Variants in HMGB1 observed in about 807,000 individuals in gnomAD.
HMGB1 encodes high mobility group box 1.
For synonymous variants in HMGB1, 81 were observed against 84.0 expected (o/e 0.96, Z 0.19); for missense variants, 79 against 253.5 (o/e 0.31, Z 4.67).
intron 1 of HMGB1, among the ~76,000 whole-genome samples, chr13:30,588,139 A>T (rs1871231121): frequency 6.6e-6 from 1 of 152,272 alleles, no homozygotes; most frequent in African/African-American, 2.4e-5. Context: ...GAGGAAATAA[A>T]GAGCATAATA....
chr13:30,491,530 G>T (rs1302820663), intron 1 of HMGB1, among the ~76,000 whole-genome samples: 1 of 151,946 alleles, frequency 6.6e-6, no homozygotes, highest in Admixed American at 6.6e-5. Context: ...GTGTGTGGTG[G>T]TGCACGCCTG....
chr13:30,590,587 A>G (rs1197469766), intron 1 of HMGB1, among the ~76,000 whole-genome samples: 1 of 152,272 alleles, frequency 6.6e-6, no homozygotes, highest in African/African-American at 2.4e-5. Flanking sequence ...AGATGTGAGC[A>G]AAGAAATGAC....
At chr13:30,505,873 A>G (rs1887853437) in intron 1 of HMGB1, among the ~76,000 whole-genome samples, 1 of 151,904 alleles carries the variant, frequency 6.6e-6, no homozygotes, top group African/African-American at 2.4e-5. Context: ...GAGGACATCA[A>G]GTAGACAGTT....
intron 1 of HMGB1, among the ~76,000 whole-genome samples, chr13:30,593,766 A>C (rs895468908): frequency 2.0e-5 from 3 of 152,256 alleles, no homozygotes; most frequent in African/African-American, 7.2e-5. Context: ...TCATAAAAAA[A>C]ATCAGACAGA....
chr13:30,504,641 T>G (rs1887809435), intron 1 of HMGB1, among the ~76,000 whole-genome samples: 1 of 152,118 alleles, frequency 6.6e-6, no homozygotes, highest in Admixed American at 6.5e-5. Flanking sequence ...AGGGGAAGGT[T>G]TAGGTTAGGT....
chr13:30,547,167 G>C (rs1156632384), intron 1 of HMGB1, among the ~76,000 whole-genome samples: 1 of 152,212 alleles, frequency 6.6e-6, no homozygotes, highest in African/African-American at 2.4e-5. Context: ...TCCAAGGTTT[G>C]CTTAGTTACA....
At position 30,459,533 on chromosome 13, in the gene HMGB1, G is replaced by A. The variant is rs1431623958; in HGVS notation, c.*1824C>T. 2 of 152,190 alleles carry A rather than the reference G, an allele frequency of 1.3e-5. No individual in the cohort carries two copies. The highest frequency in any genetic ancestry group is 1.9e-4 in the East Asian group (1 of 5,186). 9.4% of individuals were successfully genotyped at this position (152,190 alleles called of 1,614,324 possible). A position where few individuals can be genotyped will look rare whatever the true frequency, so the allele number is the denominator to read the frequency against. The stretch of plus-strand genomic sequence containing the variant: ...CCTCTTAACAAAAAATCTGATGTTC[G>A]ACACAATTGCAGCCTATCACTAACC... On this transcript the variant is annotated 3_prime_UTR_variant, in exon 5 of 5. Coordinates refer to ENST00000341423, the MANE Select transcript of HMGB1 (RefSeq NM_002128.7).
exon 1 of HMGB1, chr13:30,616,824 T>G (rs1950569368): frequency 6.6e-6 from 1 of 152,226 alleles, no homozygotes; most frequent in Non-Finnish European, 1.5e-5. Flanking sequence ...TTGTCAGCAT[T>G]ATTCCAGAAT....
At chr13:30,463,877 C>T in intron 1 of HMGB1, 183 bp from the exon 2 acceptor site, 2 of 530,154 alleles carry the variant, frequency 3.8e-6, no homozygotes, top group Non-Finnish European at 6.4e-6. Flanking sequence ...CTATGCCAAG[C>T]AAACAAAACA....
chr13:30,468,353 CA>C (rs562918786), upstream of HMGB1, among the ~76,000 whole-genome samples: 931 of 152,266 alleles, frequency 6.1e-3, 9 homozygotes, highest in African/African-American at 0.021. Flanking sequence ...CCTCCTGGTT[CA>C]ATCGATTCTT....
intron 1 of HMGB1, among the ~76,000 whole-genome samples, chr13:30,577,611 T>C (rs1566030240): frequency 6.6e-6 from 1 of 152,182 alleles, no homozygotes; most frequent in Non-Finnish European, 1.5e-5. Context: ...TCACTGTGGG[T>C]TAGAGTCAGA....
chr13:30,564,351 G>C (rs905403210), intron 1 of HMGB1, among the ~76,000 whole-genome samples: 16 of 151,766 alleles, frequency 1.1e-4, no homozygotes, highest in African/African-American at 3.9e-4. Context: ...TACTCGGGAG[G>C]CTGACTCGGG....
intron 1 of HMGB1, among the ~76,000 whole-genome samples, chr13:30,495,469 CTTTTTCTTTTCT>C (rs896044473): frequency 2.7e-5 from 4 of 146,494 alleles, no homozygotes; most frequent in Non-Finnish European, 6.0e-5. Flanking sequence ...TTTCCCTTTT[CTTTTTCTTTTCT>C]TTTTTTTTTT....
chr13:30,505,851 AG>A (rs1207473893), intron 1 of HMGB1, among the ~76,000 whole-genome samples: 1 of 150,336 alleles, frequency 6.7e-6, no homozygotes, highest in East Asian at 1.9e-4. Context: ...CCATCCTCTC[AG>A]GGGGCAGTCT....
At chr13:30,482,395 C>T (rs1468998572) in intron 1 of HMGB1, among the ~76,000 whole-genome samples, 1 of 152,200 alleles carries the variant, frequency 6.6e-6, no homozygotes, top group Non-Finnish European at 1.5e-5. Context: ...GGGGCTCAGG[C>T]CGCAAGCGTC....
rs147675703 is a variant in HMGB1 at position 30,517,580 on chromosome 13, G to T, written c.-14-53886C>A. Among the ~76,000 whole-genome samples the T allele has an allele frequency of 2.0e-5, 3 of 152,272 alleles. No homozygotes were observed. In the East Asian group the frequency reaches 5.8e-4, roughly 29 times the overall value. ...GGCTAATTTTTGTATTTTTAGTAGA[G>T]ATGGGGTTTCACCATGTTGGCCAGG... On this transcript the variant is annotated intron_variant, in intron 1 of 4. Coordinates refer to the HMGB1 transcript ENST00000405805.
Position 30,459,359 on chromosome 13 carries a change from A to C in HMGB1, c.*1998T>G, listed in dbSNP as rs1886158365. 6.6e-6 allele frequency: 1 copy of C among 152,212 alleles called. No homozygotes were observed. The highest frequency in any genetic ancestry group is 1.5e-5 in the Non-Finnish European group (1 of 68,026). 9.4% of individuals were successfully genotyped at this position (152,212 alleles called of 1,614,324 possible). A position where few individuals can be genotyped will look rare whatever the true frequency, so the allele number is the denominator to read the frequency against. ...TTCCCATTCTCAACATCTTAAAAAA[A>C]TGGTAGTTGTCATGACGTACCTACT... is the stretch of plus-strand genomic sequence containing the variant. On this transcript the variant is annotated 3_prime_UTR_variant, in exon 5 of 5. Coordinates refer to ENST00000341423, the MANE Select transcript of HMGB1 (RefSeq NM_002128.7).
chr13:30,516,975 T>C (rs1349442531), intron 1 of HMGB1, among the ~76,000 whole-genome samples: 1 of 152,052 alleles, frequency 6.6e-6, no homozygotes, highest in Non-Finnish European at 1.5e-5. Flanking sequence ...TTTAAATACA[T>C]AAATGCTAAA....
chr13:30,510,794 T>A (rs1215344250), intron 1 of HMGB1, among the ~76,000 whole-genome samples: 1 of 152,218 alleles, frequency 6.6e-6, no homozygotes, highest in East Asian at 1.9e-4. Flanking sequence ...ATCTTGGGCA[T>A]ATAGTAAGTG....
Sources: allele counts gnomAD v4.1 joint callset (sites outside exome capture counted in the v4.1 genomes callset), GRCh38; gene constraint gnomAD v4.1.1; transcripts MANE v1.5; gene names NCBI Gene and HGNC (gene_info 2026-07-23, HGNC 2026-07-21).